The following PIK3R1 variants were observed in gnomAD, a reference collection of about 807,000 sequenced individuals.
PIK3R1 encodes the protein phosphoinositide-3-kinase regulatory subunit 1.
Under a neutral mutation model 98.0 loss-of-function variants are expected in PIK3R1, and 29 were observed. That is an observed-to-expected ratio of 0.30 (90% CI 0.22 to 0.40). PIK3R1 has a LOEUF of 0.40. Among genes scored for constraint, PIK3R1 ranks in the 10% least tolerant of loss-of-function variants. The pLI, the probability that PIK3R1 is intolerant of heterozygous loss-of-function variation, is 1.00. For synonymous variants in PIK3R1, 282 were observed against 311.8 expected, an observed-to-expected ratio of 0.90 and a Z score of 1.01; for missense variants, 596 against 872.7, an observed-to-expected ratio of 0.68 and a Z score of 3.99.
intron 12 of PIK3R1, 139 bp downstream of exon 12, chr5:68,294,817 G>C (rs532890071): frequency 3.8e-6 from 2 of 530,700 alleles, no homozygotes; most frequent in Non-Finnish European, 6.3e-6. Flanking sequence ...TGGTGGGGTG[G>C]GGGGAGGAGG....
At chr5:68,236,120 C>A (rs557276569) in intron 2 of PIK3R1, among the ~76,000 whole-genome samples, 1 of 152,034 alleles carries the variant, frequency 6.6e-6, no homozygotes, top group East Asian at 1.9e-4. Flanking sequence ...ATCCACCCAC[C>A]TCGGCCTCCT....
intron 4 of PIK3R1, among the ~76,000 whole-genome samples, chr5:68,275,614 C>T (rs563127539): frequency 6.6e-6 from 1 of 152,014 alleles, no homozygotes; most frequent in South Asian, 2.1e-4. Flanking sequence ...GGTTTCCTTC[C>T]CCAGTGAGAT....
chr5:68,284,112 A>G (rs1189076077), intron 7 of PIK3R1, among the ~76,000 whole-genome samples: 1 of 151,848 alleles, frequency 6.6e-6, no homozygotes, highest in Non-Finnish European at 1.5e-5. Context: ...TGTTTTCCAG[A>G]CTGTGGAATT....
intron 1 of PIK3R1, chr5:68,217,653 T>TGTGTGCGCGCGCGCGCGC (rs1386976488): frequency 8.4e-4 from 125 of 149,382 alleles, no homozygotes; most frequent in African/African-American, 2.6e-3. Flanking sequence ...TGTGTGTGTG[T>TGTGTGCGCGCGCGCGCGC]GCGCGCGCGT....
chr5:68,267,852 AAAGGCAAAATGCAAATATATAC>A (rs1196571166), intron 2 of PIK3R1, among the ~76,000 whole-genome samples: 45 of 152,314 alleles, frequency 3.0e-4, no homozygotes, highest in African/African-American at 9.1e-4. Context: ...TTATATATAC[AAAGGCAAAATGCAAATATATAC>A]AAGGCAAAAT....
In PIK3R1 at chr5:68,300,619, T is replaced by G. The variant is rs374472762; in HGVS notation, c.*3018T>G. The G allele has an allele frequency of 6.0e-5, 14 of 233,162 alleles. No individual in the cohort carries two copies. The highest frequency in any genetic ancestry group is 1.2e-3 in the Middle Eastern group (1 of 808). 14.4% of individuals were successfully genotyped at this position (233,162 alleles called of 1,614,324 possible). A position where few individuals can be genotyped will look rare whatever the true frequency, so the allele number is the denominator to read the frequency against. ...CATCTGATAACTTCATGGCCTTTGA[T>G]AAATGTATATATGTATATGTGCATG... On this transcript the variant is annotated 3_prime_UTR_variant, in exon 16 of 16. Transcript: ENST00000521381.
chr5:68,279,610 T>C lies in PIK3R1; in HGVS notation c.511T>C (p.Ser171Pro), dbSNP rs1440086188. 1.2e-6 allele frequency: 2 copies of C among 1,613,384 alleles called. No individual in the cohort carries two copies. The highest frequency in any genetic ancestry group is 1.3e-5 in the African/African-American group (1 of 74,970). ...LRQLLDCDTP[S>P]VDLEMIDVHV... ...CTTAAATTGTTTCCTAGATACACCCTCCGTGGACTTGGAAATGATCGATGT... is the reference window on the plus strand; with the variant it reads ...CTTAAATTGTTTCCTAGATACACCCCCCGTGGACTTGGAAATGATCGATGT... The change falls in exon 5 of 16, where the codon TCC becomes CCC. Residue 171 changes from serine (S) to proline (P), a missense_variant. Ser to Pro is a moderately conservative substitution (Grantham distance 74). Transcript: ENST00000521381.
chr5:68,294,746 C>T (rs1477869534), intron 12 of PIK3R1, 68 bp downstream of exon 12: 8 of 1,188,406 alleles, frequency 6.7e-6, no homozygotes, highest in East Asian at 4.0e-5. Flanking sequence ...AAGATGATCT[C>T]GCTTTCTGTG....
chr5:68,262,614 C>T (rs1446452312), intron 2 of PIK3R1, among the ~76,000 whole-genome samples: 13 of 136,490 alleles, frequency 9.5e-5, no homozygotes, highest in East Asian at 2.3e-4. Flanking sequence ...CACATGTATA[C>T]ACATGTAGAT....
intron 2 of PIK3R1, among the ~76,000 whole-genome samples, chr5:68,254,761 G>A (rs758023622): frequency 1.1e-4 from 17 of 151,992 alleles, no homozygotes; most frequent in African/African-American, 3.9e-4. Context: ...ACCCATAATC[G>A]TGTTTCTTTT....
At position 68,301,438 on chromosome 5, in the gene PIK3R1, G is replaced by GTGTGTGTT. The variant is rs1748082759; in HGVS notation, c.*3840_*3841insGTGTTTGT. ...TATATATATATATATATATATGTGTGTGTATATATATATATATGTGTATAT... is the reference window on the plus strand; with the variant it reads ...TATATATATATATATATATATGTGTGTGTGTGTTTGTATATATATATATATGTGTATAT... On this transcript the variant is annotated 3_prime_UTR_variant, in exon 16 of 16. Coordinates refer to ENST00000521381, the MANE Select transcript of PIK3R1 (RefSeq NM_181523.3). The GTGTGTGTT allele has an allele frequency of 8.9e-6, 1 of 112,770 alleles. No homozygotes were observed. Among genetic ancestry groups the GTGTGTGTT allele is most frequent in the Non-Finnish European group, 1.7e-5 (1 of 57,450 alleles). 7.0% of individuals were successfully genotyped at this position (112,770 alleles called of 1,614,324 possible).
chr5:68,250,873 T>A (rs1335128698), intron 2 of PIK3R1, among the ~76,000 whole-genome samples: 1 of 152,174 alleles, frequency 6.6e-6, no homozygotes, highest in Non-Finnish European at 1.5e-5. Context: ...TTCTTTAGAT[T>A]AGTTATGAGA....
At chr5:68,239,367 G>T (rs956375164) in intron 2 of PIK3R1, among the ~76,000 whole-genome samples, 6 of 151,962 alleles carry the variant, frequency 3.9e-5, no homozygotes, top group African/African-American at 1.5e-4. Context: ...CTACTTTAAA[G>T]AAATACAGAC....
intron 2 of PIK3R1, among the ~76,000 whole-genome samples, chr5:68,232,089 T>C (rs1744499750): frequency 6.6e-6 from 1 of 152,208 alleles, no homozygotes; most frequent in Non-Finnish European, 1.5e-5. Flanking sequence ...TGAAATATAA[T>C]TGATTAAAGA....
intron 14 of PIK3R1, 71 bp downstream of exon 14, chr5:68,295,559 T>C: frequency 7.7e-7 from 1 of 1,299,626 alleles, no homozygotes; most frequent in Admixed American, 1.7e-5. Context: ...ACTTGCTTTG[T>C]TTTTAGAACA....
At chr5:68,288,837 G>T (rs1747221090) in intron 7 of PIK3R1, 2 of 1,367,484 alleles carry the variant, frequency 1.5e-6, no homozygotes. Context: ...GTGTGTGTGC[G>T]TGCGCCCCTG....
At chr5:68,252,548 C>T (rs1745356759) in intron 2 of PIK3R1, among the ~76,000 whole-genome samples, 1 of 152,060 alleles carries the variant, frequency 6.6e-6, no homozygotes, top group East Asian at 1.9e-4. Flanking sequence ...GGGATGTGTG[C>T]GTGCAAATGT....
intron 1 of PIK3R1, among the ~76,000 whole-genome samples, chr5:68,223,961 C>T (rs1239957002): frequency 6.6e-6 from 1 of 152,148 alleles, no homozygotes; most frequent in Non-Finnish European, 1.5e-5. Context: ...ATTAAGAATC[C>T]CACCAAACTG....
At chr5:68,264,087 C>T (rs1561280256) in intron 2 of PIK3R1, among the ~76,000 whole-genome samples, 1 of 152,118 alleles carries the variant, frequency 6.6e-6, no homozygotes, top group Non-Finnish European at 1.5e-5. Flanking sequence ...GGATAAAACC[C>T]ATTACATCCT....
Sources: gnomAD v4.1 joint callset for allele counts (sites outside exome capture counted in the v4.1 genomes callset) on GRCh38, gnomAD v4.1.1 for gene constraint, MANE v1.5 for transcripts, NCBI Gene and HGNC (gene_info 2026-07-23, HGNC 2026-07-21) for gene names.